MYO15A: variants seen among roughly 807,000 people sequenced by gnomAD.
MYO15A encodes unconventional myosin-XV.
Under a neutral mutation model 394.6 loss-of-function variants are expected in MYO15A, and 308 were observed. The ratio of observed to expected loss-of-function variants is 0.78; its 90% confidence interval spans 0.71 to 0.86. The LOEUF (loss-of-function observed/expected upper bound fraction) is 0.86, where lower values mean the gene tolerates loss of function less well. Ranked by LOEUF, MYO15A falls within the 40% of genes least tolerant of loss-of-function variation. The pLI, the probability that MYO15A is intolerant of heterozygous loss-of-function variation, is 0.00. For missense variants in MYO15A, 4,606 were observed against 4,799.1 expected (o/e 0.96, Z 1.19); for synonymous variants, 1,957 against 2,003.8 (o/e 0.98, Z 0.62).
At position 18,153,776 on chromosome 17, in the gene MYO15A, T is replaced by G. The variant is rs557790209; in HGVS notation, c.7968T>G (p.Ala2656=). The G allele has an allele frequency of 6.8e-6, 11 of 1,613,566 alleles. No individual in the cohort carries two copies. The South Asian group carries it at 1.1e-4, about 16-fold the overall frequency. Residue 2656 remains alanine, a splice_region_variant and synonymous_variant, in exon 43 of 66, where the codon GCT becomes GCG. Transcript: ENST00000647165. This position sits in a 1 kb window ranked among gnomAD's most constrained non-coding sequence, Gnocchi z 4.1. The part of the protein sequence containing the change: ...APRPSMAPTS[A]LPSRSLEPPE... ...CTCCCTGATCCCCGCGCTCTCCAGC[T>G]CTGCCCTCGCGATCGCTGGAGCCCC...
In MYO15A at chr17:18,178,830, A is replaced by G. The variant is rs932514758; in HGVS notation, c.10553A>G (p.Lys3518Arg). 6.8e-6 allele frequency: 11 copies of G among 1,613,680 alleles called. No individual in the cohort carries two copies. Among genetic ancestry groups the G allele is most frequent in the Non-Finnish European group, 9.3e-6 (11 of 1,179,994 alleles). Residue 3518 changes from lysine to arginine, a missense_variant, in exon 66 of 66, where the codon AAG becomes AGG. Physicochemically the swap from Lys to Arg is conservative, Grantham distance 26 (BLOSUM62 2). Transcript: ENST00000647165. The stretch of plus-strand genomic sequence containing the variant: ...GAGAACCTGCTCAGTGCCCATGAGA[A>G]GCGGCTCACATTGCCCCCCAGCGAG... ...HVENLLSAHE[K>R]RLTLPPSEIT...
intron 4 of MYO15A, 33 bp downstream of exon 4, chr17:18,125,264 A>G: frequency 6.2e-7 from 1 of 1,605,266 alleles, no homozygotes. Context: ...CCCTGGGCCT[A>G]GGTCAGGAAG....
Position 18,172,219 on chromosome 17 carries a change from A to G in MYO15A, c.10279A>G (p.Ile3427Val), listed in dbSNP as rs1597825283. Residue 3427 changes from isoleucine (I) to valine (V), a missense_variant, in exon 64 of 66, where the codon ATT (isoleucine) becomes GTT (valine). Coordinates refer to ENST00000647165, the MANE Select transcript of MYO15A (RefSeq NM_016239.4). ...SFFFIQSCSNIAVPAPCILAI... is the reference protein window; with the variant it reads ...SFFFIQSCSNVAVPAPCILAI... ...CTTCTTCATCCAGAGCTGCAGCAAC[A>G]TTGCTGTGCCAGCCCCTTGCATCCT... The G allele has an allele frequency of 1.2e-6, 2 of 1,614,222 alleles. No homozygotes were observed. The highest frequency in any genetic ancestry group is 1.3e-5 in the African/African-American group (1 of 75,052).
Position 18,159,265 on chromosome 17 carries a change from TC to T in MYO15A, c.9157-5del, listed in dbSNP as rs1270601508. ...CTCCTCCATCATGACACAGCCCTCT[TC>T]CCCCACAGACTCCCCTCCAGGAATC... On this transcript the variant is annotated splice_polypyrimidine_tract_variant and intron_variant, in intron 53 of 65. Transcript: ENST00000647165. The T allele has an allele frequency of 2.0e-5, 32 of 1,613,722 alleles. No individual in the cohort carries two copies. The highest frequency in any genetic ancestry group is 2.7e-5 in the Non-Finnish European group (32 of 1,179,926).
At chr17:18,156,622 A>G (rs1389511630) in intron 48 of MYO15A, among the ~76,000 whole-genome samples, 1 of 152,030 alleles carries the variant, frequency 6.6e-6, no homozygotes, top group Non-Finnish European at 1.5e-5. Context: ...CTGCATCACA[A>G]TCTCTTTCCA....
At chr17:18,129,321 C>T (rs949906748) in intron 7 of MYO15A, among the ~76,000 whole-genome samples, 22 of 152,194 alleles carry the variant, frequency 1.4e-4, no homozygotes, top group Non-Finnish European at 3.2e-4. Flanking sequence ...GTATGCTGGG[C>T]ACCGGGAACA....
chr17:18,111,341 G>GAAAAAAA (rs57095827), intron 1 of MYO15A, among the ~76,000 whole-genome samples: 5 of 118,948 alleles, frequency 4.2e-5, no homozygotes, highest in Non-Finnish European at 7.4e-5. Context: ...TCTCAAAAGA[G>GAAAAAAA]AAAAAAAAAA....
intron 1 of MYO15A, among the ~76,000 whole-genome samples, chr17:18,111,750 C>T (rs926894564): frequency 6.6e-6 from 1 of 152,248 alleles, no homozygotes; most frequent in African/African-American, 2.4e-5. Context: ...GTAGCAATGA[C>T]GTTGGCAGTC....
chr17:18,173,986 A>C, intron 65 of MYO15A, 65 bp downstream of exon 65: 1 of 1,569,128 alleles, frequency 6.4e-7, no homozygotes, highest in Non-Finnish European at 8.6e-7. Flanking sequence ...GCTCCAAGAT[A>C]GGTCAGGTCC....
Position 18,146,088 on chromosome 17 carries a change from T to G in MYO15A, c.6490T>G (p.Phe2164Val), listed in dbSNP as rs727505225. 6.2e-7 allele frequency: 1 copy of G among 1,613,884 alleles called. No individual in the cohort carries two copies. Among genetic ancestry groups the G allele is most frequent in the East Asian group, 2.2e-5 (1 of 44,888 alleles). Residue 2164 changes from phenylalanine to valine, a missense_variant, in exon 30 of 66, where the codon TTC (phenylalanine) becomes GTC (valine). Phe to Val is a conservative substitution (Grantham distance 50, BLOSUM62 -1). Coordinates refer to ENST00000647165, the MANE Select transcript of MYO15A (RefSeq NM_016239.4). ...CLSGFAPSPC[F>V]NKYLLKFVSD... is the part of the protein sequence containing the mutation. ...CAGTGGCTTTGCACCTTCCCCGTGCTTCAACAAGTACCTTCTCAAGTGAGT... is the reference window on the plus strand; with the variant it reads ...CAGTGGCTTTGCACCTTCCCCGTGCGTCAACAAGTACCTTCTCAAGTGAGT...
At chr17:18,136,361 T>C in intron 13 of MYO15A, 56 bp from the exon 14 acceptor site, 1 of 1,608,126 alleles carries the variant, frequency 6.2e-7, no homozygotes, top group Non-Finnish European at 8.5e-7. Context: ...CCCTGGGGGC[T>C]TTCCGGAGGC....
At chr17:18,171,904 C>A (rs2046947279) in intron 63 of MYO15A, 133 bp downstream of exon 63, 1 of 1,416,644 alleles carries the variant, frequency 7.1e-7, no homozygotes, top group African/African-American at 1.4e-5. Context: ...GAGCACCTGC[C>A]TGGAGAAAAC....
At chr17:18,146,156 CA>C in intron 30 of MYO15A, 49 bp downstream of exon 30, 1 of 1,566,768 alleles carries the variant, frequency 6.4e-7, no homozygotes, top group Non-Finnish European at 8.7e-7. Context: ...GTGGCACCAG[CA>C]GTGGAGCCCA....
chr17:18,157,767 C>T lies in MYO15A; in HGVS notation c.8834C>T (p.Ser2945Leu), dbSNP rs891010329. ...TIHGRVGRFP[S>L]ELVQPAAAPD... ...CACGGGCGCGTGGGCCGCTTCCCTTCGGAGCTGGTGCAGCCCGCTGCTGCC... is the reference window on the plus strand; with the variant it reads ...CACGGGCGCGTGGGCCGCTTCCCTTTGGAGCTGGTGCAGCCCGCTGCTGCC... Residue 2945 changes from serine (S) to leucine (L), a missense_variant, in exon 51 of 66, where the codon TCG becomes TTG. By Grantham distance (145) the Ser-to-Leu change is moderately radical. Coordinates refer to ENST00000647165, the MANE Select transcript of MYO15A (RefSeq NM_016239.4). 27 of 1,605,794 alleles carry T rather than the reference C, an allele frequency of 1.7e-5. No individual in the cohort carries two copies. The highest frequency in any genetic ancestry group is 4.4e-5 in the South Asian group (4 of 91,082).
chr17:18,131,152 G>T (rs569407829), intron 8 of MYO15A, 87 bp from the exon 9 acceptor site: 1 of 1,243,836 alleles, frequency 8.0e-7, no homozygotes, highest in African/African-American at 1.5e-5. Context: ...GAAGGCTCAT[G>T]TCTGGGTGTC....
intron 23 of MYO15A, 59 bp downstream of exon 23, chr17:18,141,829 A>G (rs1484587706): frequency 6.5e-7 from 1 of 1,545,486 alleles, no homozygotes; most frequent in Non-Finnish European, 8.9e-7. Context: ...GTCCACAACT[A>G]CTGAGTCAGA....
In MYO15A at chr17:18,121,328, C is replaced by A; in HGVS notation, c.2528C>A (p.Ser843Ter). Residue 843 changes from serine to a stop codon, truncating the protein, a stop_gained, in exon 2 of 66, where the codon TCA (serine) becomes TAA (stop). Coordinates refer to ENST00000647165, the MANE Select transcript of MYO15A (RefSeq NM_016239.4). LOFTEE classifies it high-confidence loss of function. The surrounding 1 kb of genome is among the most constrained non-coding windows in gnomAD (Gnocchi z 5.3). ...CCACCCGGCTCGCCGCTGCCGGGCTCACCCAGGCCGCCCTCGCCGCCCCTG... is the reference window on the plus strand; with the variant it reads ...CCACCCGGCTCGCCGCTGCCGGGCTAACCCAGGCCGCCCTCGCCGCCCCTG... ...LGPPGSPLPG[S>*]PRPPSPPLGL... is the part of the protein sequence containing the mutation. 7.3e-7 allele frequency: 1 copy of A among 1,378,328 alleles called. No individual in the cohort carries two copies. The highest frequency in any genetic ancestry group is 3.5e-5 in the Admixed American group (1 of 28,826). The allele number at this position is 1,378,328 out of a possible 1,614,324, so 85.4% of individuals were successfully genotyped here.
Position 18,121,381 on chromosome 17 carries a change from TC to T in MYO15A, c.2584del (p.Leu862Ter). On this transcript the variant is annotated frameshift_variant, in exon 2 of 66. Coordinates refer to ENST00000647165, the MANE Select transcript of MYO15A (RefSeq NM_016239.4). LOFTEE classifies it high-confidence loss of function. The surrounding 1 kb of genome is among the most constrained non-coding windows in gnomAD (Gnocchi z 5.3). ...LGLCHSPRRS[S>X]LNLPSRLPHT... is the part of the protein sequence containing the mutation. The stretch of plus-strand genomic sequence containing the variant: ...GCTCTGCCACAGCCCGCGGCGCAGC[TC>T]CCTGAATCTGCCCTCGCGCCTCCCG... 1 of 1,525,188 alleles carries T rather than the reference TC, an allele frequency of 6.6e-7. No individual in the cohort carries two copies. Among genetic ancestry groups the T allele is most frequent in the Non-Finnish European group, 8.8e-7 (1 of 1,140,948 alleles). 94.5% of individuals were successfully genotyped at this position (1,525,188 alleles called of 1,614,324 possible).
intron 56 of MYO15A, 113 bp from the exon 57 acceptor site, chr17:18,161,204 A>G (rs1425725410): frequency 1.4e-6 from 2 of 1,412,966 alleles, no homozygotes; most frequent in Non-Finnish European, 1.9e-6. Flanking sequence ...GGGCATCCTC[A>G]GGGGACAGGA....
Sources: allele counts gnomAD v4.1 joint callset (sites outside exome capture counted in the v4.1 genomes callset), GRCh38; gene constraint gnomAD v4.1.1; non-coding constraint Gnocchi (gnomAD v3.1); transcripts MANE v1.5; gene names NCBI Gene and HGNC (gene_info 2026-07-23, HGNC 2026-07-21).